Variants in C1orf21 observed in about 807,000 individuals in gnomAD.
The protein encoded by C1orf21 is uncharacterized protein C1orf21.
A neutral mutation model predicts 18.7 loss-of-function variants in C1orf21; 3 were observed. The observed-to-expected ratio is 0.16, with a 90% CI of 0.07 to 0.42. The LOEUF (loss-of-function observed/expected upper bound fraction) is 0.42, where lower values mean the gene tolerates loss of function less well. Ranked by LOEUF, C1orf21 falls within the 10% of genes least tolerant of loss-of-function variation. The pLI is 0.99. For missense variants in C1orf21, 104 were observed against 143.6 expected, an observed-to-expected ratio of 0.72 and a Z score of 1.41; for synonymous variants, 41 against 46.4, an observed-to-expected ratio of 0.88 and a Z score of 0.47.
chr1:184,558,577 CCAGA>C (rs1360335111), intron 3 of C1orf21, among the ~76,000 whole-genome samples: 4 of 152,146 alleles, frequency 2.6e-5, no homozygotes. Context: ...TTCCAGCATC[CCAGA>C]CAGAGTCCTT....
intron 4 of C1orf21, among the ~76,000 whole-genome samples, chr1:184,593,434 T>A (rs1035265996): frequency 6.6e-6 from 1 of 152,250 alleles, no homozygotes; most frequent in Non-Finnish European, 1.5e-5. Context: ...TTTACTGTAC[T>A]GATGCATAAA....
chr1:184,408,888 G>A (rs998840611), intron 1 of C1orf21, among the ~76,000 whole-genome samples: 14 of 152,178 alleles, frequency 9.2e-5, no homozygotes, highest in Non-Finnish European at 1.6e-4. Context: ...TGGCACATTA[G>A]GGTCCTTTTA....
rs751164204 is a variant in C1orf21, at chr1:184,566,764, C to T, written c.190-23975C>T. The T allele has an allele frequency of 5.2e-4, 207 of 401,938 alleles. 1 individual carries two copies. The highest frequency in any genetic ancestry group is 5.6e-4 in the Non-Finnish European group (112 of 199,116). The allele number at this position is 401,938 out of a possible 1,614,324, so 24.9% of individuals were successfully genotyped here. ...GATGATTCCTGGCAGGAAAGGCTGG[C>T]TGGTGTTGTGATGCTGCTCTGGAGG... On this transcript the variant is annotated intron_variant, in intron 3 of 5. Coordinates refer to ENST00000235307, the MANE Select transcript of C1orf21 (RefSeq NM_030806.4).
At chr1:184,563,336 A>G (rs1395154644) in intron 3 of C1orf21, among the ~76,000 whole-genome samples, 1 of 152,222 alleles carries the variant, frequency 6.6e-6, no homozygotes, top group Non-Finnish European at 1.5e-5. Context: ...TAATGAATAC[A>G]ACTTATTTTA....
chr1:184,425,117 TC>T (rs1222917514), intron 1 of C1orf21, among the ~76,000 whole-genome samples: 3 of 152,204 alleles, frequency 2.0e-5, no homozygotes, highest in Non-Finnish European at 2.9e-5. Context: ...GGGTGTGACT[TC>T]TGGCTCTATC....
intron 1 of C1orf21, among the ~76,000 whole-genome samples, chr1:184,416,723 T>C (rs1656457302): frequency 6.6e-6 from 1 of 152,210 alleles, no homozygotes; most frequent in Non-Finnish European, 1.5e-5. Flanking sequence ...CTTCCCAGAA[T>C]GAAATATATC....
intron 3 of C1orf21, among the ~76,000 whole-genome samples, chr1:184,570,813 T>G (rs1358876047): frequency 6.6e-6 from 1 of 151,932 alleles, no homozygotes; most frequent in Non-Finnish European, 1.5e-5. Flanking sequence ...AATGCATCCT[T>G]AGGTGATTTT....
chr1:184,479,386 G>A (rs959213070), intron 2 of C1orf21, among the ~76,000 whole-genome samples: 1 of 152,282 alleles, frequency 6.6e-6, no homozygotes, highest in East Asian at 1.9e-4. Context: ...CCGTCACCAT[G>A]TGTCAAACAT....
chr1:184,420,263 CT>C (rs1656524566), intron 1 of C1orf21, among the ~76,000 whole-genome samples: 2 of 151,636 alleles, frequency 1.3e-5, no homozygotes, highest in Non-Finnish European at 2.9e-5. Context: ...GGTATGAAAA[CT>C]GAGGCATTTT....
At chr1:184,491,332 A>G (rs1657813724) in intron 2 of C1orf21, among the ~76,000 whole-genome samples, 1 of 151,626 alleles carries the variant, frequency 6.6e-6, no homozygotes, top group South Asian at 2.1e-4. Flanking sequence ...TAGTGTGTGT[A>G]GTACTTTCCT....
At chr1:184,460,083 AC>A (rs1657278225) in intron 1 of C1orf21, among the ~76,000 whole-genome samples, 1 of 152,136 alleles carries the variant, frequency 6.6e-6, no homozygotes, top group Non-Finnish European at 1.5e-5. Flanking sequence ...GCCAACAAGC[AC>A]CCTGGGAGAA....
chr1:184,430,002 C>T (rs1043021132), intron 1 of C1orf21, among the ~76,000 whole-genome samples: 3 of 151,484 alleles, frequency 2.0e-5, no homozygotes, highest in African/African-American at 7.3e-5. Flanking sequence ...GTCCCAGCTA[C>T]TCGGGAGGCT....
intron 1 of C1orf21, among the ~76,000 whole-genome samples, chr1:184,411,483 G>A (rs1656352777): frequency 7.1e-6 from 1 of 140,688 alleles, no homozygotes; most frequent in South Asian, 2.2e-4. Context: ...GTGCAGTGGT[G>A]CAATCTCGGC....
Position 184,582,829 on chromosome 1 carries a change from G to T in C1orf21, c.190-7910G>T, listed in dbSNP as rs537564023. On this transcript the variant is annotated intron_variant, in intron 3 of 5. Transcript: ENST00000235307. ...GTGAGGTTTGAGGGAATGTTTTTTT[G>T]TTTGTTTGTTTGTTTGTTTTGTTTT... Among the ~76,000 whole-genome samples, 9 of 151,832 alleles carry T rather than the reference G, an allele frequency of 5.9e-5. No individual in the cohort carries two copies. In the South Asian group the frequency reaches 1.5e-3, roughly 25 times the overall value.
At position 184,591,564 on chromosome 1, in the gene C1orf21, T is replaced by C. The variant is rs560015831; in HGVS notation, c.266+749T>C. Among the ~76,000 whole-genome samples the C allele has an allele frequency of 1.7e-4, 26 of 152,198 alleles. No homozygotes were observed. The South Asian group carries it at 3.3e-3, about 19-fold the overall frequency. ...GCTCACGCCTGTAATCCCAGCACTTTGGGAGGCCAAGGCGGGAGGATCACG... is the reference window on the plus strand; with the variant it reads ...GCTCACGCCTGTAATCCCAGCACTTCGGGAGGCCAAGGCGGGAGGATCACG... On this transcript the variant is annotated intron_variant, in intron 4 of 5. Transcript: ENST00000235307.
chr1:184,591,576 G>A lies in C1orf21; in HGVS notation c.266+761G>A, dbSNP rs141925714. ...AATCCCAGCACTTTGGGAGGCCAAG[G>A]CGGGAGGATCACGAGGTCAGGAGAT... On this transcript the variant is annotated intron_variant, in intron 4 of 5. Coordinates refer to ENST00000235307, the MANE Select transcript of C1orf21 (RefSeq NM_030806.4). Among the ~76,000 whole-genome samples the A allele has an allele frequency of 6.3e-3, 952 of 152,280 alleles. 11 individuals carry two copies. The highest frequency in any genetic ancestry group is 0.022 in the African/African-American group (902 of 41,556).
Position 184,621,080 on chromosome 1 carries a change from G to A in C1orf21, c.*1524G>A, listed in dbSNP as rs189211873. 6.6e-6 allele frequency: 1 copy of A among 152,622 alleles called. No individual in the cohort carries two copies. Among genetic ancestry groups the A allele is most frequent in the East Asian group, 1.9e-4 (1 of 5,178 alleles). The allele number at this position is 152,622 out of a possible 1,614,324, so 9.5% of individuals were successfully genotyped here. Reference sequence around the variant, plus strand: ...CACACTGCCGCCTGCAGAAGGTGGAGAGTTAAGATGTTCTATGTCAATTTG... The same window carrying A: ...CACACTGCCGCCTGCAGAAGGTGGAAAGTTAAGATGTTCTATGTCAATTTG... On this transcript the variant is annotated 3_prime_UTR_variant, in exon 6 of 6. Coordinates refer to ENST00000235307, the MANE Select transcript of C1orf21 (RefSeq NM_030806.4).
chr1:184,422,078 G>A (rs1656554871), intron 1 of C1orf21, among the ~76,000 whole-genome samples: 1 of 152,194 alleles, frequency 6.6e-6, no homozygotes, highest in Non-Finnish European at 1.5e-5. Context: ...GAAGAAGTCC[G>A]ATGGGATGGC....
At chr1:184,556,644 T>A (rs953187847) in intron 3 of C1orf21, among the ~76,000 whole-genome samples, 14 of 152,234 alleles carry the variant, frequency 9.2e-5, no homozygotes. Flanking sequence ...TGTTTTATTT[T>A]GGAACTATTC....
Sources: gnomAD v4.1 joint callset for allele counts (sites outside exome capture counted in the v4.1 genomes callset) on GRCh38, gnomAD v4.1.1 for gene constraint, MANE v1.5 for transcripts, NCBI Gene and HGNC (gene_info 2026-07-23, HGNC 2026-07-21) for gene names.